NEGR1: variants seen among roughly 807,000 people sequenced by gnomAD.
NEGR1 encodes the protein neuronal growth regulator 1, also known as IgLON family member 4.
Under a neutral mutation model 40.9 loss-of-function variants are expected in NEGR1, and 10 were observed. The observed-to-expected ratio is 0.24, with a 90% confidence interval of 0.15 to 0.42. The LOEUF (loss-of-function observed/expected upper bound fraction) is 0.42, where lower values mean the gene tolerates loss of function less well. Among genes scored for constraint, NEGR1 ranks in the 10% least tolerant of loss-of-function variants. NEGR1 has a pLI of 1.00. For synonymous variants in NEGR1, 185 were observed against 166.8 expected (o/e 1.11, Z -0.84); for missense variants, 352 against 438.9 (o/e 0.80, Z 1.77).
intron 5 of NEGR1, among the ~76,000 whole-genome samples, chr1:71,597,661 C>T (rs928362845): frequency 8.6e-5 from 13 of 151,728 alleles, no homozygotes; most frequent in African/African-American, 3.2e-4. Context: ...TCACCCAGCA[C>T]TTTGGGAGGC....
At chr1:72,136,807 G>A (rs888067209) in intron 1 of NEGR1, among the ~76,000 whole-genome samples, 2 of 152,046 alleles carry the variant, frequency 1.3e-5, no homozygotes, top group African/African-American at 4.8e-5. Context: ...AGAGTTAATA[G>A]GCAACCTACA....
chr1:71,993,739 T>C (rs1024351968), intron 1 of NEGR1, among the ~76,000 whole-genome samples: 3 of 152,212 alleles, frequency 2.0e-5, no homozygotes, highest in East Asian at 3.9e-4. Context: ...ATCTATTGTA[T>C]AGATGAATAA....
intron 2 of NEGR1, among the ~76,000 whole-genome samples, chr1:71,791,976 C>T (rs1300246326): frequency 6.6e-6 from 1 of 152,054 alleles, no homozygotes; most frequent in South Asian, 2.1e-4. Flanking sequence ...ATTTGCCGAT[C>T]AGGCAGTTTA....
At chr1:72,111,920 A>G (rs1649386061) in intron 1 of NEGR1, among the ~76,000 whole-genome samples, 1 of 151,834 alleles carries the variant, frequency 6.6e-6, no homozygotes, top group Non-Finnish European at 1.5e-5. Context: ...ACAAGAAGGT[A>G]ACAGATGTTT....
At chr1:72,153,083 C>G (rs111730884) in intron 1 of NEGR1, among the ~76,000 whole-genome samples, 1 of 151,668 alleles carries the variant, frequency 6.6e-6, no homozygotes, top group Non-Finnish European at 1.5e-5. Flanking sequence ...GCATTGTTCC[C>G]ATGTACCAAA....
chr1:71,921,439 G>A (rs1295634599), intron 2 of NEGR1, among the ~76,000 whole-genome samples: 1 of 152,012 alleles, frequency 6.6e-6, no homozygotes, highest in Non-Finnish European at 1.5e-5. Context: ...TCTGCCACCA[G>A]ACACAGCAGG....
At chr1:71,433,674 T>TATGAGG (rs1363749038) in intron 6 of NEGR1, among the ~76,000 whole-genome samples, 6 of 152,140 alleles carry the variant, frequency 3.9e-5, no homozygotes, top group African/African-American at 1.2e-4. Flanking sequence ...ACGAGAACAG[T>TATGAGG]ATGAGGAAAA....
chr1:71,586,163 A>G (rs924654153), intron 6 of NEGR1, among the ~76,000 whole-genome samples: 5 of 152,122 alleles, frequency 3.3e-5, no homozygotes, highest in Admixed American at 3.3e-4. Context: ...TGTAGTGGGA[A>G]AAGCACTGGA....
At chr1:71,945,076 T>C (rs1370018529) in intron 1 of NEGR1, among the ~76,000 whole-genome samples, 1 of 152,190 alleles carries the variant, frequency 6.6e-6, no homozygotes, top group Admixed American at 6.5e-5. Context: ...GAGTCTTTGC[T>C]AGATCTTATT....
chr1:72,003,870 T>C (rs1056149933), intron 1 of NEGR1, among the ~76,000 whole-genome samples: 1 of 152,144 alleles, frequency 6.6e-6, no homozygotes, highest in Non-Finnish European at 1.5e-5. Context: ...TGTGATAGCA[T>C]TGTACTGTTA....
At chr1:71,459,714 A>T (rs1248660193) in intron 6 of NEGR1, among the ~76,000 whole-genome samples, 1 of 152,192 alleles carries the variant, frequency 6.6e-6, no homozygotes, top group African/African-American at 2.4e-5. Flanking sequence ...AGAACACTCA[A>T]TCTGAACATC....
chr1:71,730,569 T>TTA (rs56382019), intron 3 of NEGR1, among the ~76,000 whole-genome samples: 9,745 of 134,606 alleles, frequency 0.072, 643 homozygotes, highest in African/African-American at 0.18. Flanking sequence ...TAGTATAAAT[T>TTA]TATATATATA....
intron 2 of NEGR1, among the ~76,000 whole-genome samples, chr1:71,921,699 C>G (rs1437705263): frequency 3.2e-5 from 3 of 92,978 alleles, no homozygotes. Flanking sequence ...AGATACAGTA[C>G]AAGAATATAT....
rs1395388452 is a variant in NEGR1 at position 71,423,740 on chromosome 1, T to A, written c.941-16170A>T. Among the ~76,000 whole-genome samples, 3 of 152,034 alleles carry A rather than the reference T, an allele frequency of 2.0e-5. No individual in the cohort carries two copies. The East Asian group carries it at 5.8e-4, about 29-fold the overall frequency. On this transcript the variant is annotated intron_variant, in intron 6 of 6. Transcript: ENST00000357731. Reference sequence around the variant, plus strand: ...TTATCAAACTTTTGGGCAGGGCATATAAAGAATTGGCCAGAATTTTTTTTT... The same window carrying A: ...TTATCAAACTTTTGGGCAGGGCATAAAAAGAATTGGCCAGAATTTTTTTTT...
chr1:71,493,377 CCTT>C (rs910371211), intron 6 of NEGR1, among the ~76,000 whole-genome samples: 22 of 152,028 alleles, frequency 1.4e-4, no homozygotes, highest in African/African-American at 5.1e-4. Context: ...TTTCAAAAAA[CCTT>C]CTTACTTAAT....
chr1:71,982,555 G>A (rs1346073490), intron 1 of NEGR1, among the ~76,000 whole-genome samples: 2 of 152,178 alleles, frequency 1.3e-5, no homozygotes, highest in Non-Finnish European at 2.9e-5. Context: ...AGAGTTACTG[G>A]CTACTATATT....
intron 2 of NEGR1, among the ~76,000 whole-genome samples, chr1:71,930,830 T>A (rs1645848881): frequency 6.6e-6 from 1 of 151,938 alleles, no homozygotes; most frequent in Non-Finnish European, 1.5e-5. Context: ...TGCAATGGAG[T>A]CTGGACAATA....
chr1:72,005,359 A>C (rs72680847), intron 1 of NEGR1, among the ~76,000 whole-genome samples: 1 of 152,278 alleles, frequency 6.6e-6, no homozygotes, highest in Non-Finnish European at 1.5e-5. Context: ...TCAATCACTA[A>C]GATGTATGTA....
chr1:71,503,905 A>G (rs1235942513), intron 6 of NEGR1, among the ~76,000 whole-genome samples: 2 of 151,692 alleles, frequency 1.3e-5, no homozygotes, highest in Admixed American at 6.6e-5. Context: ...CGCCAGCTGA[A>G]CAAAAATTTC....
Sources: allele counts gnomAD v4.1 joint callset (sites outside exome capture counted in the v4.1 genomes callset), GRCh38; gene constraint gnomAD v4.1.1; transcripts MANE v1.5; gene names NCBI Gene and HGNC (gene_info 2026-07-23, HGNC 2026-07-21).